Variants in APBB2 observed in about 807,000 individuals in gnomAD.
APBB2 encodes amyloid beta precursor protein binding family B member 2, also known as Fe65-like 1.
APBB2 carries 38 observed loss-of-function variants against 82.5 expected under a neutral mutation model. That is an observed-to-expected ratio of 0.46 (90% CI 0.36 to 0.60). APBB2 has a LOEUF of 0.60. Ranked by LOEUF, APBB2 falls within the 20% of genes least tolerant of loss-of-function variation. APBB2 has a pLI of 0.00. For synonymous variants in APBB2, 341 were observed against 368.2 expected (o/e 0.93, Z 0.85); for missense variants, 772 against 972.3 (o/e 0.79, Z 2.74).
intron 2 of APBB2, among the ~76,000 whole-genome samples, chr4:41,117,036 A>C (rs1300721652): frequency 6.6e-6 from 1 of 152,076 alleles, no homozygotes; most frequent in African/African-American, 2.4e-5. Flanking sequence ...TTTTGGGTCC[A>C]TCACAAATGT....
At chr4:40,845,663 C>T (rs563255174) in intron 12 of APBB2, among the ~76,000 whole-genome samples, 5 of 144,632 alleles carry the variant, frequency 3.5e-5, no homozygotes, top group East Asian at 4.0e-4. Context: ...TGGAAGAGGA[C>T]GCCATCTCCT....
chr4:41,142,221 T>C (rs939235097), intron 2 of APBB2, among the ~76,000 whole-genome samples: 1 of 152,212 alleles, frequency 6.6e-6, no homozygotes, highest in African/African-American at 2.4e-5. Flanking sequence ...ACCCACTGAA[T>C]GTCCAACAGA....
intron 1 of APBB2, among the ~76,000 whole-genome samples, chr4:41,179,407 T>C (rs1311568897): frequency 1.3e-5 from 2 of 152,194 alleles, no homozygotes; most frequent in African/African-American, 4.8e-5. Flanking sequence ...TCTACCGTCA[T>C]GTAAAAAAAT....
intron 10 of APBB2, among the ~76,000 whole-genome samples, chr4:40,899,679 A>G (rs911703040): frequency 2.0e-5 from 3 of 152,230 alleles, no homozygotes; most frequent in African/African-American, 7.2e-5. Context: ...TCCGCAAGAT[A>G]CTATTATTTC....
intron 6 of APBB2, among the ~76,000 whole-genome samples, chr4:40,995,366 C>A (rs1198226834): frequency 2.0e-5 from 3 of 151,900 alleles, no homozygotes; most frequent in Non-Finnish European, 4.4e-5. Flanking sequence ...ATTAATAAGT[C>A]CATCCGTCAG....
intron 1 of APBB2, among the ~76,000 whole-genome samples, chr4:41,194,866 T>G: frequency 2.6e-5 from 4 of 152,196 alleles, no homozygotes; most frequent in African/African-American, 9.6e-5. Flanking sequence ...TTTTTCTTTT[T>G]TTATTTACGT....
intron 10 of APBB2, among the ~76,000 whole-genome samples, chr4:40,897,472 C>T (rs945504019): frequency 1.3e-5 from 2 of 151,686 alleles, no homozygotes; most frequent in African/African-American, 2.4e-5. Context: ...GAGCCGAGAT[C>T]GCGCCACTGC....
chr4:41,167,150 T>C (rs939900324), intron 1 of APBB2, among the ~76,000 whole-genome samples: 1 of 152,198 alleles, frequency 6.6e-6, no homozygotes, highest in African/African-American at 2.4e-5. Flanking sequence ...ATGGAAAGGA[T>C]GCACCAGGCA....
chr4:41,159,995 A>AGAG (rs1764641610), intron 1 of APBB2, among the ~76,000 whole-genome samples: 1 of 148,910 alleles, frequency 6.7e-6, no homozygotes. Context: ...AAGAAGAAGA[A>AGAG]GAAGAAGAAG....
At chr4:40,982,400 G>GGAA (rs1553894088) in intron 6 of APBB2, among the ~76,000 whole-genome samples, 6 of 16,044 alleles carry the variant, frequency 3.7e-4, no homozygotes, top group African/African-American at 9.9e-4. Context: ...GGAAAGGAAA[G>GGAA]GAAAGAAAGA....
Position 41,147,481 on chromosome 4 carries a change from CTTTTTTTT to C in APBB2, c.-416-4347_-416-4340del, listed in dbSNP as rs558746840. ...TTGAGGATCTTCAATGTTTGGCCAG[CTTTTTTTT>C]TTTTTTTTTTTTTTTTTAAATGAGG... is the stretch of plus-strand genomic sequence containing the variant. On this transcript the variant is annotated intron_variant, in intron 1 of 17. Coordinates refer to ENST00000508593, the MANE Select transcript of APBB2 (RefSeq NM_004307.2). Among the ~76,000 whole-genome samples the C allele has an allele frequency of 1.2e-3, 119 of 103,110 alleles. 1 individual carries two copies. Among genetic ancestry groups the C allele is most frequent in the Admixed American group, 3.5e-3 (33 of 9,384 alleles). The allele number at this position is 103,110 out of a possible 152,430, so 67.6% of individuals were successfully genotyped here.
At chr4:41,194,309 G>A in intron 1 of APBB2, among the ~76,000 whole-genome samples, 5 of 152,202 alleles carry the variant, frequency 3.3e-5, no homozygotes, top group African/African-American at 9.6e-5. Flanking sequence ...GCAACAGAGC[G>A]AAACTCTCTC....
intron 2 of APBB2, among the ~76,000 whole-genome samples, chr4:41,117,075 C>T (rs1297896810): frequency 6.6e-6 from 1 of 152,004 alleles, no homozygotes; most frequent in Non-Finnish European, 1.5e-5. Flanking sequence ...TTTCCTAACC[C>T]CCCATCCCAA....
chr4:41,099,362 G>A (rs1401826921), intron 3 of APBB2, among the ~76,000 whole-genome samples: 1 of 152,128 alleles, frequency 6.6e-6, no homozygotes, highest in African/African-American at 2.4e-5. Context: ...CCGAGTAGCT[G>A]GGATTACAGG....
intron 1 of APBB2, among the ~76,000 whole-genome samples, chr4:41,194,691 C>A: frequency 6.6e-6 from 1 of 150,494 alleles, no homozygotes; most frequent in African/African-American, 2.5e-5. Flanking sequence ...AAAATAAATA[C>A]ACACATCTGA....
chr4:41,110,977 T>C (rs959430755), intron 2 of APBB2, among the ~76,000 whole-genome samples: 1 of 152,212 alleles, frequency 6.6e-6, no homozygotes, highest in Non-Finnish European at 1.5e-5. Context: ...AACCCTGAGC[T>C]TGTTCTCCTG....
intron 12 of APBB2, among the ~76,000 whole-genome samples, chr4:40,888,066 C>T (rs971897590): frequency 1.3e-5 from 2 of 152,202 alleles, no homozygotes; most frequent in African/African-American, 4.8e-5. Context: ...CTCCGACCTC[C>T]ACTGTCTTTA....
intron 2 of APBB2, among the ~76,000 whole-genome samples, chr4:41,130,526 C>A (rs368373405): frequency 1.3e-5 from 2 of 152,194 alleles, no homozygotes; most frequent in African/African-American, 4.8e-5. Flanking sequence ...CTTCTGCTAT[C>A]AGAACTTGCA....
At chr4:41,086,599 T>G (rs1739774959) in intron 3 of APBB2, among the ~76,000 whole-genome samples, 1 of 152,144 alleles carries the variant, frequency 6.6e-6, no homozygotes, top group African/African-American at 2.4e-5. Flanking sequence ...AAAGAGCATT[T>G]GACAAAATTC....
Sources: gnomAD v4.1 joint callset for allele counts (sites outside exome capture counted in the v4.1 genomes callset) on GRCh38, gnomAD v4.1.1 for gene constraint, MANE v1.5 for transcripts, NCBI Gene and HGNC (gene_info 2026-07-23, HGNC 2026-07-21) for gene names.